IGF1R: variants seen among roughly 807,000 people sequenced by gnomAD.
IGF1R encodes the protein insulin-like growth factor 1 receptor.
Under a neutral mutation model 144.6 loss-of-function variants are expected in IGF1R, and 44 were observed. The observed-to-expected ratio is 0.30, with a 90% CI of 0.24 to 0.39. The LOEUF (loss-of-function observed/expected upper bound fraction) is 0.39, where lower values mean the gene tolerates loss of function less well. Ranked by LOEUF, IGF1R falls within the 10% of genes least tolerant of loss-of-function variation. The probability of loss-of-function intolerance (pLI) is 1.00; values close to 1 mark genes in which losing one functional copy is unlikely to be tolerated. For missense variants in IGF1R, 1,355 were observed against 1,833.7 expected (o/e 0.74, Z 4.77); for synonymous variants, 795 against 722.8 (o/e 1.10, Z -1.60).
chr15:98,722,299 T>C (rs1423850478), intron 2 of IGF1R, among the ~76,000 whole-genome samples: 1 of 152,170 alleles, frequency 6.6e-6, no homozygotes, highest in East Asian at 1.9e-4. Context: ...GGAGGGTAAG[T>C]TCCACATTTG....
intron 2 of IGF1R, among the ~76,000 whole-genome samples, chr15:98,760,866 T>C (rs544458399): frequency 6.6e-6 from 1 of 152,360 alleles, no homozygotes; most frequent in East Asian, 1.9e-4. Flanking sequence ...ACCACAGTGA[T>C]AAAAATGGGA....
In IGF1R at chr15:98,887,864, C is replaced by T. The variant is rs994962944; in HGVS notation, c.641-3461C>T. Among the ~76,000 whole-genome samples, 3 of 152,206 alleles carry T rather than the reference C, an allele frequency of 2.0e-5. No homozygotes were observed. In the East Asian group the frequency reaches 5.8e-4, roughly 29 times the overall value. On this transcript the variant is annotated intron_variant, in intron 2 of 20. Coordinates refer to ENST00000650285, the MANE Select transcript of IGF1R (RefSeq NM_000875.5). Reference sequence around the variant, plus strand: ...GTCCCTTGCACTGCGGCCAGGTAACCTTTCTGATACGAAGGTCTGGGCATG... The same window carrying T: ...GTCCCTTGCACTGCGGCCAGGTAACTTTTCTGATACGAAGGTCTGGGCATG...
Position 98,707,349 on chromosome 15 carries a change from G to A in IGF1R, c.95-213G>A, listed in dbSNP as rs111262619. Among the ~76,000 whole-genome samples the A allele has an allele frequency of 2.4e-3, 366 of 152,268 alleles. 1 individual carries two copies. Among genetic ancestry groups the A allele is most frequent in the African/African-American group, 8.1e-3 (338 of 41,540 alleles). On this transcript the variant is annotated intron_variant, in intron 1 of 20. Coordinates refer to ENST00000650285, the MANE Select transcript of IGF1R (RefSeq NM_000875.5). The surrounding 1 kb of genome is among the most constrained non-coding windows in gnomAD (Gnocchi z 6.7). ...GGTCGGTTGGAGTGTGTTGCACAGC[G>A]TCTGGTCCAGTGTTGGCACTGTATA...
chr15:98,801,388 AAG>A (rs1449331238), intron 2 of IGF1R, among the ~76,000 whole-genome samples: 1 of 152,238 alleles, frequency 6.6e-6, no homozygotes, highest in Non-Finnish European at 1.5e-5. Context: ...GGGCAGAACA[AAG>A]AGAGCGGGCA....
rs1366709266 is a variant in IGF1R at position 98,946,033 on chromosome 15, C to T, written c.3588-2541C>T. ...ATGATGACGATGATGACGATGACGA[C>T]GATGACAGCGTCGTCGTCGTCCTGG... is the stretch of plus-strand genomic sequence containing the variant. On this transcript the variant is annotated intron_variant, in intron 19 of 20. Transcript: ENST00000650285. 2.6e-5 allele frequency among the ~76,000 whole-genome samples: 4 copies of T among 151,730 alleles called. No individual in the cohort carries two copies. In the East Asian group the frequency reaches 5.8e-4, roughly 22 times the overall value.
intron 6 of IGF1R, among the ~76,000 whole-genome samples, chr15:98,909,834 G>A (rs1381330855): frequency 6.6e-6 from 1 of 152,176 alleles, no homozygotes; most frequent in Non-Finnish European, 1.5e-5. Flanking sequence ...AAACTTTAAG[G>A]TCTCATATCA....
intron 20 of IGF1R, among the ~76,000 whole-genome samples, chr15:98,955,450 T>TA (rs1453441852): frequency 6.6e-6 from 1 of 152,216 alleles, no homozygotes; most frequent in African/African-American, 2.4e-5. Flanking sequence ...CCTCAGCTGG[T>TA]AGTTGTAGCT....
chr15:98,955,625 G>A (rs969960583), intron 20 of IGF1R, among the ~76,000 whole-genome samples: 7 of 152,312 alleles, frequency 4.6e-5, no homozygotes, highest in African/African-American at 1.7e-4. Context: ...TCACACCCAG[G>A]CCCACCCTCC....
At chr15:98,677,241 T>A (rs2053070632) in intron 1 of IGF1R, among the ~76,000 whole-genome samples, 1 of 152,202 alleles carries the variant, frequency 6.6e-6, no homozygotes, top group South Asian at 2.1e-4. Flanking sequence ...CTGACCTTCC[T>A]TGTTTCTTTT....
chr15:98,935,130 C>A lies in IGF1R; in HGVS notation c.3186+77C>A, dbSNP rs1270639461. The A allele has an allele frequency of 2.4e-6, 3 of 1,257,332 alleles. No homozygotes were observed. The highest frequency in any genetic ancestry group is 3.5e-6 in the Non-Finnish European group (3 of 864,242). 77.9% of individuals were successfully genotyped at this position (1,257,332 alleles called of 1,614,324 possible). On this transcript the variant is annotated intron_variant, in intron 16 of 20. Coordinates refer to ENST00000650285, the MANE Select transcript of IGF1R (RefSeq NM_000875.5). This position sits in a 1 kb window ranked among gnomAD's most constrained non-coding sequence, Gnocchi z 4.2. Reference sequence around the variant, plus strand: ...CACAAGCCTCCCAGTATGTTCTTGGCTGCATGTACCCGTGGGTTTGGTGTC... The same window carrying A: ...CACAAGCCTCCCAGTATGTTCTTGGATGCATGTACCCGTGGGTTTGGTGTC...
intron 19 of IGF1R, among the ~76,000 whole-genome samples, chr15:98,943,559 G>T (rs2016443615): frequency 6.6e-6 from 1 of 152,212 alleles, no homozygotes; most frequent in Non-Finnish European, 1.5e-5. Context: ...ACCCAGGGAT[G>T]GTTATGGGAA....
chr15:98,698,611 A>G (rs2053653170), intron 1 of IGF1R, among the ~76,000 whole-genome samples: 1 of 152,216 alleles, frequency 6.6e-6, no homozygotes, highest in Admixed American at 6.5e-5. Context: ...AGGTTGTTGC[A>G]TGTGAGAGGA....
At chr15:98,951,465 A>G (rs1478009783) in intron 20 of IGF1R, among the ~76,000 whole-genome samples, 1 of 152,266 alleles carries the variant, frequency 6.6e-6, no homozygotes, top group Admixed American at 6.5e-5. Context: ...TTATCGCAGT[A>G]TAACAAACTA....
At chr15:98,955,913 T>C (rs541377995) in intron 20 of IGF1R, among the ~76,000 whole-genome samples, 1 of 152,300 alleles carries the variant, frequency 6.6e-6, no homozygotes, top group South Asian at 2.1e-4. Context: ...AATTTTAAAA[T>C]AAAGAGGATA....
At chr15:98,727,056 A>T (rs1260361706) in intron 2 of IGF1R, among the ~76,000 whole-genome samples, 1 of 152,130 alleles carries the variant, frequency 6.6e-6, no homozygotes, top group Non-Finnish European at 1.5e-5. Context: ...CAAAACTTTG[A>T]TGCTGATCAG....
chr15:98,717,158 T>C (rs1291289261), intron 2 of IGF1R, among the ~76,000 whole-genome samples: 2 of 152,146 alleles, frequency 1.3e-5, no homozygotes, highest in African/African-American at 4.8e-5. Flanking sequence ...TATGCAAAGG[T>C]TTAAGGACCG....
chr15:98,895,248 A>T (rs1369356602), intron 3 of IGF1R, among the ~76,000 whole-genome samples: 1 of 151,248 alleles, frequency 6.6e-6, no homozygotes, highest in East Asian at 1.9e-4. Context: ...ACACACACAC[A>T]CACACACACA....
chr15:98,927,029 A>T (rs2015748457), intron 13 of IGF1R, among the ~76,000 whole-genome samples: 1 of 152,130 alleles, frequency 6.6e-6, no homozygotes, highest in African/African-American at 2.4e-5. Flanking sequence ...GTGAAACAGC[A>T]ACCTTGGCTT....
rs796963680 is a variant in IGF1R, at chr15:98,878,684, A to C, written c.641-12641A>C. 1.1e-3 allele frequency among the ~76,000 whole-genome samples: 138 copies of C among 120,998 alleles called. 4 individuals are homozygous for C. The South Asian group carries it at 0.013, about 12-fold the overall frequency. 79.4% of individuals were successfully genotyped at this position (120,998 alleles called of 152,430 possible). A position where few individuals can be genotyped will look rare whatever the true frequency, so the allele number is the denominator to read the frequency against. On this transcript the variant is annotated intron_variant, in intron 2 of 20. Coordinates refer to ENST00000650285, the MANE Select transcript of IGF1R (RefSeq NM_000875.5). Reference sequence around the variant, plus strand: ...GACTCAAAAAAAAAAAAAAAAAAAAAAAAAAAAAAAACAACAACAAAAAAA... The same window carrying C: ...GACTCAAAAAAAAAAAAAAAAAAAACAAAAAAAAAAACAACAACAAAAAAA...
Sources: allele counts gnomAD v4.1 joint callset (sites outside exome capture counted in the v4.1 genomes callset), GRCh38; gene constraint gnomAD v4.1.1; non-coding constraint Gnocchi (gnomAD v3.1); transcripts MANE v1.5; gene names NCBI Gene and HGNC (gene_info 2026-07-23, HGNC 2026-07-21).